SYT16: variants seen among roughly 807,000 people sequenced by gnomAD.
The protein encoded by SYT16 is synaptotagmin-16.
A neutral mutation model predicts 61.4 loss-of-function variants in SYT16; 42 were observed. The observed-to-expected ratio is 0.68, with a 90% CI of 0.53 to 0.89. The LOEUF (loss-of-function observed/expected upper bound fraction) is 0.89, where lower values mean the gene tolerates loss of function less well. Ranked by LOEUF, SYT16 falls within the 40% of genes least tolerant of loss-of-function variation. The probability of loss-of-function intolerance (pLI) is 0.00; values close to 1 mark genes in which losing one functional copy is unlikely to be tolerated. For missense variants in SYT16, 804 were observed against 807.3 expected (o/e 1.00, Z 0.05); for synonymous variants, 314 against 302.3 (o/e 1.04, Z -0.40).
At chr14:61,973,392 C>T (rs368276512) in intron 2 of SYT16, among the ~76,000 whole-genome samples, 14 of 152,020 alleles carry the variant, frequency 9.2e-5, no homozygotes, top group African/African-American at 3.4e-4. Context: ...TTAGTATTGC[C>T]AAGCATTTTA....
intron 1 of SYT16, among the ~76,000 whole-genome samples, chr14:61,834,192 G>A (rs1485451764): frequency 6.6e-6 from 1 of 151,916 alleles, no homozygotes; most frequent in Non-Finnish European, 1.5e-5. Flanking sequence ...GAGCAGTGGT[G>A]CGATCTCGGC....
intron 3 of SYT16, among the ~76,000 whole-genome samples, chr14:62,069,002 G>A (rs1053856672): frequency 6.6e-6 from 1 of 152,046 alleles, no homozygotes; most frequent in African/African-American, 2.4e-5. Flanking sequence ...CACCATATTG[G>A]CCAGGCTGGT....
At chr14:62,069,265 C>T (rs1299563367) in intron 3 of SYT16, among the ~76,000 whole-genome samples, 1 of 152,202 alleles carries the variant, frequency 6.6e-6, no homozygotes, top group African/African-American at 2.4e-5. Flanking sequence ...TGCTGATAAA[C>T]GTTCTGTTTC....
At chr14:61,880,488 C>T (rs1033592126) in intron 1 of SYT16, among the ~76,000 whole-genome samples, 4 of 152,008 alleles carry the variant, frequency 2.6e-5, no homozygotes, top group Non-Finnish European at 5.9e-5. Context: ...AGAATTAGTT[C>T]GTAAAGTTCC....
chr14:61,997,087 A>G (rs2052801052), intron 3 of SYT16, among the ~76,000 whole-genome samples: 1 of 152,094 alleles, frequency 6.6e-6, no homozygotes, highest in Non-Finnish European at 1.5e-5. Flanking sequence ...CACATTTAAT[A>G]AAAACTGCCT....
chr14:61,985,822 G>A (rs1407638829), intron 2 of SYT16, among the ~76,000 whole-genome samples: 1 of 152,128 alleles, frequency 6.6e-6, no homozygotes, highest in East Asian at 1.9e-4. Flanking sequence ...ACTTCTATGT[G>A]CTAGATATGG....
rs1429086593 is a variant in SYT16, at chr14:62,039,756, A to G, written c.524-29847A>G. 4.6e-5 allele frequency among the ~76,000 whole-genome samples: 7 copies of G among 151,692 alleles called. No homozygotes were observed. In the South Asian group the frequency reaches 1.5e-3, roughly 32 times the overall value. On this transcript the variant is annotated intron_variant, in intron 3 of 7. Transcript: ENST00000683842. ...AGAGATCTCTGAACTCTCACCTCTAATACTTTTGCACTTCACCACTATATG... is the reference window on the plus strand; with the variant it reads ...AGAGATCTCTGAACTCTCACCTCTAGTACTTTTGCACTTCACCACTATATG...
chr14:61,968,506 A>G (rs892603480), intron 1 of SYT16, among the ~76,000 whole-genome samples: 2 of 152,142 alleles, frequency 1.3e-5, no homozygotes, highest in Non-Finnish European at 2.9e-5. Flanking sequence ...CAGACCTCAG[A>G]CTGAGTACAA....
In SYT16 at chr14:62,080,866, C is replaced by T. The variant is rs191871459; in HGVS notation, c.1026C>T (p.Ser342=). ...EQDRTNLQVP[S]GVSEPISKCG... ...ACAGGACCAATTTGCAGGTGCCATC[C>T]GGGGTCTCAGAGCCCATCTCAAAGT... Residue 342 remains serine, a synonymous_variant, in exon 6 of 8, where the codon TCC becomes TCT. Coordinates refer to ENST00000683842, the MANE Select transcript of SYT16 (RefSeq NM_001367656.1). The T allele has an allele frequency of 2.0e-4, 328 of 1,602,920 alleles. 2 individuals are homozygous for T. In the East Asian group the frequency reaches 2.2e-3, roughly 11 times the overall value.
intron 4 of SYT16, 48 bp from the exon 5 acceptor site, chr14:62,075,086 AG>A: frequency 6.5e-7 from 1 of 1,541,778 alleles, no homozygotes; most frequent in Non-Finnish European, 8.8e-7. Flanking sequence ...CTAGGTAAAA[AG>A]GTGTTAAAAA....
intron 6 of SYT16, among the ~76,000 whole-genome samples, chr14:62,083,865 A>G (rs537156852): frequency 2.6e-5 from 4 of 152,128 alleles, no homozygotes; most frequent in South Asian, 2.1e-4. Flanking sequence ...ACAGGGGGGA[A>G]TTTGAGTCTA....
rs566762450 is a variant in SYT16, at chr14:61,876,028, T to C, written c.-325+63218T>C. On this transcript the variant is annotated intron_variant, in intron 1 of 7. Coordinates refer to ENST00000683842, the MANE Select transcript of SYT16 (RefSeq NM_001367656.1). ...AGATACAGGTGGATAAAAAGAATGA[T>C]AGATGCTTGATAGAGTTGCGTGTTT... Among the ~76,000 whole-genome samples, 9 of 152,302 alleles carry C rather than the reference T, an allele frequency of 5.9e-5. No homozygotes were observed. The South Asian group carries it at 1.5e-3, about 25-fold the overall frequency.
chr14:61,984,839 C>T (rs370261572), intron 2 of SYT16, among the ~76,000 whole-genome samples: 7 of 152,168 alleles, frequency 4.6e-5, no homozygotes, highest in African/African-American at 1.4e-4. Flanking sequence ...TTTGGCTCCA[C>T]TATCATGCCT....
At chr14:61,823,574 C>CA (rs55935256) in intron 1 of SYT16, among the ~76,000 whole-genome samples, 10,574 of 71,088 alleles carry the variant, frequency 0.15, 473 homozygotes, top group East Asian at 0.21. Flanking sequence ...ACTAAAAATA[C>CA]AAAAAAAAAA....
At chr14:62,011,165 G>A (rs138062349) in intron 3 of SYT16, among the ~76,000 whole-genome samples, 2 of 152,312 alleles carry the variant, frequency 1.3e-5, no homozygotes, top group East Asian at 3.9e-4. Context: ...ATAAAGGTGT[G>A]AGCTCAAGTA....
At chr14:62,040,848 G>A (rs182668620) in intron 3 of SYT16, among the ~76,000 whole-genome samples, 1 of 152,050 alleles carries the variant, frequency 6.6e-6, no homozygotes, top group Non-Finnish European at 1.5e-5. Flanking sequence ...TCTTAGATTG[G>A]TGTGGTACGT....
intron 2 of SYT16, among the ~76,000 whole-genome samples, chr14:61,979,654 C>T (rs971804421): frequency 1.3e-4 from 20 of 152,122 alleles, no homozygotes; most frequent in African/African-American, 2.2e-4. Flanking sequence ...GAGGCTGAGG[C>T]GGGTGGATCA....
intron 7 of SYT16, among the ~76,000 whole-genome samples, chr14:62,093,304 A>G (rs2057157552): frequency 6.6e-6 from 1 of 152,130 alleles, no homozygotes; most frequent in African/African-American, 2.4e-5. Context: ...AAAGCAGAGA[A>G]AATACTTTTT....
chr14:62,059,821 TTGA>T (rs2055748446), intron 3 of SYT16, among the ~76,000 whole-genome samples: 1 of 149,434 alleles, frequency 6.7e-6, no homozygotes, highest in African/African-American at 2.4e-5. Context: ...GATAGAAGGG[TTGA>T]TGTTTCTTTT....
Sources: gnomAD v4.1 joint callset for allele counts (sites outside exome capture counted in the v4.1 genomes callset) on GRCh38, gnomAD v4.1.1 for gene constraint, MANE v1.5 for transcripts, NCBI Gene and HGNC (gene_info 2026-07-23, HGNC 2026-07-21) for gene names.